The following HCRTR2 variants were observed in gnomAD, a reference collection of about 807,000 sequenced individuals.
HCRTR2 encodes the protein orexin receptor type 2.
Under a neutral mutation model 49.0 loss-of-function variants are expected in HCRTR2, and 22 were observed. The ratio of observed to expected loss-of-function variants is 0.45; its 90% CI spans 0.32 to 0.64. HCRTR2 has a LOEUF of 0.64. HCRTR2 is among the 30% of genes least tolerant of loss of function. The pLI is 0.04. For missense variants in HCRTR2, 491 were observed against 559.4 expected (o/e 0.88, Z 1.23); for synonymous variants, 236 against 205.3 (o/e 1.15, Z -1.28).
chr6:55,195,715 T>A lies in HCRTR2; in HGVS notation c.223+20905T>A, dbSNP rs1581822102. Among the ~76,000 whole-genome samples the A allele has an allele frequency of 2.0e-5, 3 of 152,316 alleles. No individual in the cohort carries two copies. The East Asian group carries it at 5.8e-4, about 29-fold the overall frequency. On this transcript the variant is annotated intron_variant, in intron 1 of 6. Coordinates refer to ENST00000370862, the MANE Select transcript of HCRTR2 (RefSeq NM_001384272.1). Reference sequence around the variant, plus strand: ...GGCCGGGCGTGGTGGCTCACACCTGTAATCCCTGCACTTTGGGAGGTCGAG... The same window carrying A: ...GGCCGGGCGTGGTGGCTCACACCTGAAATCCCTGCACTTTGGGAGGTCGAG...
chr6:55,183,004 T>C (rs1217834955), intron 1 of HCRTR2, among the ~76,000 whole-genome samples: 3 of 152,210 alleles, frequency 2.0e-5, no homozygotes, highest in South Asian at 2.1e-4. Flanking sequence ...CTGATAGATA[T>C]ATCGTTGCGA....
At chr6:55,280,554 T>A in intron 6 of HCRTR2, 110 bp downstream of exon 6, 1 of 1,426,388 alleles carries the variant, frequency 7.0e-7, no homozygotes, top group Non-Finnish European at 9.6e-7. Context: ...GTTGTATTTT[T>A]TCCCTGACCT....
intron 1 of HCRTR2, among the ~76,000 whole-genome samples, chr6:55,223,980 G>C (rs1203089203): frequency 6.6e-6 from 1 of 152,062 alleles, no homozygotes; most frequent in Admixed American, 6.6e-5. Flanking sequence ...TTCTACATGG[G>C]TGAATTTCCC....
intron 1 of HCRTR2, among the ~76,000 whole-genome samples, chr6:55,121,694 C>A (rs1196493328): frequency 6.6e-6 from 1 of 152,038 alleles, no homozygotes. Flanking sequence ...TTGTCAAAGG[C>A]CTTTTCTGCG....
At chr6:55,257,456 A>G (rs2127318718) in intron 3 of HCRTR2, among the ~76,000 whole-genome samples, 1 of 152,116 alleles carries the variant, frequency 6.6e-6, no homozygotes, top group East Asian at 1.9e-4. Context: ...TGTCAGCAGT[A>G]TTTTCTCTAA....
chr6:55,121,424 G>C (rs2127237671), intron 1 of HCRTR2, among the ~76,000 whole-genome samples: 1 of 152,188 alleles, frequency 6.6e-6, no homozygotes, highest in South Asian at 2.1e-4. Flanking sequence ...CTGCAAGCAG[G>C]GAAAATTTGA....
At chr6:55,150,132 A>T (rs1764644635) in intron 1 of HCRTR2, among the ~76,000 whole-genome samples, 2 of 151,942 alleles carry the variant, frequency 1.3e-5, no homozygotes, top group African/African-American at 4.8e-5. Context: ...TACATTTAAT[A>T]TTCTACATTA....
At chr6:55,219,496 A>T (rs1023299496) in intron 1 of HCRTR2, among the ~76,000 whole-genome samples, 1 of 152,182 alleles carries the variant, frequency 6.6e-6, no homozygotes, top group Admixed American at 6.5e-5. Context: ...TTTCAAGATA[A>T]ATGAAAATGT....
chr6:55,132,162 A>C (rs1047540291), intron 1 of HCRTR2, among the ~76,000 whole-genome samples: 1 of 151,876 alleles, frequency 6.6e-6, no homozygotes, highest in East Asian at 1.9e-4. Context: ...GTTAATGACT[A>C]TCACAAAAGT....
At chr6:55,207,365 G>T (rs944968684) in intron 1 of HCRTR2, among the ~76,000 whole-genome samples, 4 of 152,024 alleles carry the variant, frequency 2.6e-5, no homozygotes, top group Non-Finnish European at 5.9e-5. Flanking sequence ...CTTGAACTCA[G>T]TTAAATGTAG....
At chr6:55,272,419 T>C (rs1027863297) in intron 4 of HCRTR2, among the ~76,000 whole-genome samples, 7 of 152,126 alleles carry the variant, frequency 4.6e-5, no homozygotes, top group Non-Finnish European at 1.0e-4. Context: ...GAAAATGTTC[T>C]AGATTAGTTA....
At chr6:55,110,023 T>C (rs1161001761) in intron 1 of HCRTR2, among the ~76,000 whole-genome samples, 2 of 152,140 alleles carry the variant, frequency 1.3e-5, no homozygotes, top group African/African-American at 4.8e-5. Context: ...AGCAGATTTG[T>C]CAGCAGAGAC....
At chr6:55,182,641 T>C (rs1244532141) in intron 1 of HCRTR2, among the ~76,000 whole-genome samples, 8 of 152,216 alleles carry the variant, frequency 5.3e-5, no homozygotes. Flanking sequence ...TCAGAACTAT[T>C]CAGCTAAGCT....
chr6:55,202,839 T>A (rs1424739873), intron 1 of HCRTR2, among the ~76,000 whole-genome samples: 1 of 152,130 alleles, frequency 6.6e-6, no homozygotes, highest in Non-Finnish European at 1.5e-5. Flanking sequence ...CACTTTTATC[T>A]GATATGGTAG....
intron 1 of HCRTR2, among the ~76,000 whole-genome samples, chr6:55,132,733 C>A (rs1295663747): frequency 7.5e-6 from 1 of 133,026 alleles, no homozygotes; most frequent in Non-Finnish European, 1.6e-5. Flanking sequence ...CCATTTATAC[C>A]TCTCCCTCTC....
At chr6:55,135,044 C>G (rs4486012) in intron 1 of HCRTR2, among the ~76,000 whole-genome samples, 9 of 151,828 alleles carry the variant, frequency 5.9e-5, no homozygotes, top group Non-Finnish European at 1.2e-4. Context: ...AAGAAAGCTT[C>G]GCTAGTAGCA....
intron 1 of HCRTR2, among the ~76,000 whole-genome samples, chr6:55,146,552 G>A (rs1230097608): frequency 6.9e-6 from 1 of 145,312 alleles, no homozygotes; most frequent in African/African-American, 2.5e-5. Flanking sequence ...AATAAAATCA[G>A]AATATCAGAT....
intron 1 of HCRTR2, among the ~76,000 whole-genome samples, chr6:55,221,539 C>T (rs972765932): frequency 1.1e-4 from 17 of 152,140 alleles, no homozygotes; most frequent in South Asian, 6.2e-4. Flanking sequence ...CTGGGCCGGG[C>T]GTGGTGGCTC....
chr6:55,269,345 A>T (rs1766926943), intron 4 of HCRTR2, among the ~76,000 whole-genome samples: 1 of 152,068 alleles, frequency 6.6e-6, no homozygotes, highest in Non-Finnish European at 1.5e-5. Context: ...TTTTCAGGGC[A>T]AACAGGCAAG....
Sources: gnomAD v4.1 joint callset for allele counts (sites outside exome capture counted in the v4.1 genomes callset) on GRCh38, gnomAD v4.1.1 for gene constraint, MANE v1.5 for transcripts, NCBI Gene and HGNC (gene_info 2026-07-23, HGNC 2026-07-21) for gene names.